The following ONECUT1 variants were observed in gnomAD, a reference collection of about 807,000 sequenced individuals.
The protein encoded by ONECUT1 is hepatocyte nuclear factor 6.
A neutral mutation model predicts 25.6 loss-of-function variants in ONECUT1; 12 were observed. The ratio of observed to expected loss-of-function variants is 0.47; its 90% CI spans 0.30 to 0.76. ONECUT1 has a LOEUF of 0.76. ONECUT1 is among the 30% of genes least tolerant of loss of function. The probability of loss-of-function intolerance (pLI) is 0.07; values close to 1 mark genes in which losing one functional copy is unlikely to be tolerated. For synonymous variants in ONECUT1, 285 were observed against 270.2 expected, an observed-to-expected ratio of 1.05 and a Z score of -0.54; for missense variants, 620 against 651.2, an observed-to-expected ratio of 0.95 and a Z score of 0.52.
Position 52,789,260 on chromosome 15 carries a change from T to G in ONECUT1, c.625A>C (p.Thr209Pro). The G allele has an allele frequency of 6.5e-7, 1 of 1,547,018 alleles. No individual in the cohort carries two copies. Among genetic ancestry groups the G allele is most frequent in the Non-Finnish European group, 8.7e-7 (1 of 1,147,208 alleles). ...CCGTTGGGGGTGAGCATCTTGTCGG[T>G]GGGCATGGCGGCCCCCGGGTGGGCA... ...HYAHPGAAMP[T>P]DKMLTPNGFE... The change falls in exon 1 of 2, where the codon ACC (threonine) becomes CCC (proline). Residue 209 changes from threonine (T) to proline (P), a missense_variant. Thr to Pro is a conservative substitution (Grantham distance 38). Around this residue, in one of 4 missense-constraint regions of ONECUT1, gnomAD observed 440 missense variants for 404.9 expected, o/e 1.09. Coordinates refer to ENST00000305901, the MANE Select transcript of ONECUT1 (RefSeq NM_004498.4). This position sits in a 1 kb window ranked among gnomAD's most constrained non-coding sequence, Gnocchi z 4.1.
Position 52,788,521 on chromosome 15 carries a change from G to T in ONECUT1, c.1105+259C>A, listed in dbSNP as rs2083891980. The T allele has an allele frequency of 8.6e-6, 4 of 463,030 alleles. No homozygotes were observed. The highest frequency in any genetic ancestry group is 1.5e-5 in the Non-Finnish European group (4 of 259,556). The allele number at this position is 463,030 out of a possible 1,614,324, so 28.7% of individuals were successfully genotyped here. ...CGAGCTTCCCTCGCTGTCCCTGAGC[G>T]CAAATGAGCCTCTTCAGTCGCCGAG... On this transcript the variant is annotated intron_variant, in intron 1 of 1. Transcript: ENST00000305901. The surrounding 1 kb of genome is among the most constrained non-coding windows in gnomAD (Gnocchi z 4.3).
chr15:52,757,142 C>T lies in ONECUT1; in HGVS notation c.*413G>A, dbSNP rs2083677585. 5.6e-6 allele frequency: 1 copy of T among 178,044 alleles called. No homozygotes were observed. Among genetic ancestry groups the T allele is most frequent in the African/African-American group, 2.4e-5 (1 of 41,712 alleles). 11.0% of individuals were successfully genotyped at this position (178,044 alleles called of 1,614,324 possible). ...TTCTGAAGACCAGCTCTGCCTAAGT[C>T]TGTAACCACTGGTGGTGGTAGTACT... On this transcript the variant is annotated 3_prime_UTR_variant, in exon 2 of 2. Coordinates refer to ENST00000305901, the MANE Select transcript of ONECUT1 (RefSeq NM_004498.4).
chr15:52,764,602 C>T (rs539951207), intron 1 of ONECUT1, among the ~76,000 whole-genome samples: 15 of 152,282 alleles, frequency 9.9e-5, no homozygotes, highest in African/African-American at 3.4e-4. Context: ...TATTTTCTCC[C>T]TCGAAATAGC....
rs1472195777 is a variant in ONECUT1 at position 52,788,447 on chromosome 15, C to A, written c.1105+333G>T. On this transcript the variant is annotated intron_variant, in intron 1 of 1. Transcript: ENST00000305901. The surrounding 1 kb of genome is among the most constrained non-coding windows in gnomAD (Gnocchi z 4.3). ...CCCGGATCGCTGAACTGAGAGGTGGCGCAGAGTGTCTCACCAGGTGCGGGG... is the reference window on the plus strand; with the variant it reads ...CCCGGATCGCTGAACTGAGAGGTGGAGCAGAGTGTCTCACCAGGTGCGGGG... The A allele has an allele frequency of 1.0e-5, 3 of 296,168 alleles. No individual in the cohort carries two copies. Among genetic ancestry groups the A allele is most frequent in the Non-Finnish European group, 1.9e-5 (3 of 157,266 alleles). The allele number at this position is 296,168 out of a possible 1,614,324, so 18.3% of individuals were successfully genotyped here.
intron 1 of ONECUT1, among the ~76,000 whole-genome samples, chr15:52,758,673 C>T (rs1165051159): frequency 9.9e-5 from 15 of 152,110 alleles, no homozygotes; most frequent in Non-Finnish European, 1.3e-4. Context: ...CCATTCCCTG[C>T]GCTTGCATGT....
intron 1 of ONECUT1, among the ~76,000 whole-genome samples, chr15:52,768,352 A>C (rs759857875): frequency 4.6e-5 from 7 of 152,200 alleles, no homozygotes; most frequent in Admixed American, 2.0e-4. Context: ...AATTAAAACT[A>C]AAAAAGGATT....
chr15:52,772,421 G>A (rs1205237077), intron 1 of ONECUT1, among the ~76,000 whole-genome samples: 1 of 151,684 alleles, frequency 6.6e-6, no homozygotes, highest in Admixed American at 6.6e-5. Flanking sequence ...CGAGATGTGT[G>A]TGAAGTTTGT....
At chr15:52,786,412 GAC>G (rs2083875109) in intron 1 of ONECUT1, among the ~76,000 whole-genome samples, 1 of 152,242 alleles carries the variant, frequency 6.6e-6, no homozygotes, top group South Asian at 2.1e-4. Context: ...AGGGTCTCAG[GAC>G]ACAGAGTCGG....
chr15:52,774,589 C>A (rs758855878), intron 1 of ONECUT1, among the ~76,000 whole-genome samples: 56 of 152,202 alleles, frequency 3.7e-4, no homozygotes, highest in Non-Finnish European at 7.3e-4. Context: ...CGTGAGCCAC[C>A]GCACCTGGCC....
At chr15:52,776,445 C>G (rs2083801410) in intron 1 of ONECUT1, among the ~76,000 whole-genome samples, 1 of 152,208 alleles carries the variant, frequency 6.6e-6, no homozygotes, top group African/African-American at 2.4e-5. Flanking sequence ...TCCACCTTTG[C>G]TGACAATGAC....
At chr15:52,785,143 A>G (rs990057754) in intron 1 of ONECUT1, among the ~76,000 whole-genome samples, 1 of 152,252 alleles carries the variant, frequency 6.6e-6, no homozygotes, top group Non-Finnish European at 1.5e-5. Flanking sequence ...GGCTCTGCCT[A>G]GGGCCCCGCA....
At chr15:52,775,745 C>T (rs542203433) in intron 1 of ONECUT1, among the ~76,000 whole-genome samples, 4 of 152,206 alleles carry the variant, frequency 2.6e-5, no homozygotes, top group East Asian at 1.9e-4. Context: ...ATAACTAGAT[C>T]GGAGGAAAGT....
At chr15:52,759,624 G>A (rs2083693776) in intron 1 of ONECUT1, among the ~76,000 whole-genome samples, 1 of 152,094 alleles carries the variant, frequency 6.6e-6, no homozygotes, top group Admixed American at 6.5e-5. Context: ...TTTTGAGACA[G>A]GATCTCACCC....
At chr15:52,760,657 A>T (rs974813203) in intron 1 of ONECUT1, among the ~76,000 whole-genome samples, 25 of 152,228 alleles carry the variant, frequency 1.6e-4, no homozygotes, top group African/African-American at 6.0e-4. Context: ...AGGATTGATA[A>T]GTATTAGTAG....
Position 52,789,670 on chromosome 15 carries a change from T to C in ONECUT1, c.215A>G (p.His72Arg). 6.7e-7 allele frequency: 1 copy of C among 1,497,626 alleles called. No individual in the cohort carries two copies. Among genetic ancestry groups the C allele is most frequent in the East Asian group, 2.5e-5 (1 of 40,606 alleles). The allele number at this position is 1,497,626 out of a possible 1,614,324, so 92.8% of individuals were successfully genotyped here. A position where few individuals can be genotyped will look rare whatever the true frequency, so the allele number is the denominator to read the frequency against. The part of the protein sequence containing the change: ...GSGGGDYHHH[H>R]RAPEHSLAGP... ...GGCCAGGCTGTGCTCAGGGGCCCGG[T>C]GGTGGTGGTGGTAATCTCCGCCGCC... The change falls in exon 1 of 2, where the codon CAC becomes CGC. Residue 72 changes from histidine (H) to arginine (R), a missense_variant. Physicochemically the swap from His to Arg is conservative, Grantham distance 29. This residue lies in a region of ONECUT1 where 440 missense variants were observed against 404.9 expected (regional missense o/e 1.09). Coordinates refer to ENST00000305901, the MANE Select transcript of ONECUT1 (RefSeq NM_004498.4). This position sits in a 1 kb window ranked among gnomAD's most constrained non-coding sequence, Gnocchi z 4.1.
Position 52,768,994 on chromosome 15 carries a change from C to G in ONECUT1, c.1106-11147G>C, listed in dbSNP as rs147254925. 7.2e-3 allele frequency among the ~76,000 whole-genome samples: 1,093 copies of G among 152,310 alleles called. 6 individuals are homozygous for G. Among genetic ancestry groups the G allele is most frequent in the Non-Finnish European group, 0.012 (820 of 68,028 alleles). On this transcript the variant is annotated intron_variant, in intron 1 of 1. Transcript: ENST00000305901. ...TACTGCCCACTCAATACCAATCATTCCTGCCACACTGCTCAGAAGTCATTC... is the reference window on the plus strand; with the variant it reads ...TACTGCCCACTCAATACCAATCATTGCTGCCACACTGCTCAGAAGTCATTC...
At chr15:52,772,116 C>T (rs749669547) in intron 1 of ONECUT1, among the ~76,000 whole-genome samples, 4 of 151,620 alleles carry the variant, frequency 2.6e-5, no homozygotes, top group South Asian at 4.2e-4. Context: ...GAGATGTGGC[C>T]GGGTGCGGTG....
chr15:52,768,309 A>AAT (rs1470281277), intron 1 of ONECUT1, among the ~76,000 whole-genome samples: 1 of 152,208 alleles, frequency 6.6e-6, no homozygotes, highest in Admixed American at 6.5e-5. Flanking sequence ...GTACCCCACA[A>AAT]ATATATACAA....
chr15:52,788,392 C>T lies in ONECUT1; in HGVS notation c.1105+388G>A, dbSNP rs2083891020. ...CTGCGAGGAACATTTGCGTGCGATT[C>T]CACGCACGCGTTGCATCCCTCTTCC... is the stretch of plus-strand genomic sequence containing the variant. On this transcript the variant is annotated intron_variant, in intron 1 of 1. Transcript: ENST00000305901. The surrounding 1 kb of genome is among the most constrained non-coding windows in gnomAD (Gnocchi z 4.3). 5.1e-6 allele frequency: 1 copy of T among 194,800 alleles called. No individual in the cohort carries two copies. The highest frequency in any genetic ancestry group is 1.1e-5 in the Non-Finnish European group (1 of 94,522). The allele number at this position is 194,800 out of a possible 1,614,324, so 12.1% of individuals were successfully genotyped here. A position where few individuals can be genotyped will look rare whatever the true frequency, so the allele number is the denominator to read the frequency against.
Sources: gnomAD v4.1 joint callset for allele counts (sites outside exome capture counted in the v4.1 genomes callset) on GRCh38, gnomAD v4.1.1 for gene constraint, gnomAD v4.1.1 regional missense constraint, Gnocchi (gnomAD v3.1) non-coding constraint, MANE v1.5 for transcripts, NCBI Gene and HGNC (gene_info 2026-07-23, HGNC 2026-07-21) for gene names.